Variants in SMC6 observed in about 807,000 individuals in gnomAD.
SMC6 encodes the protein structural maintenance of chromosomes 6, also known as structural maintenance of chromosomes protein 6.
A neutral mutation model predicts 142.2 loss-of-function variants in SMC6; 79 were observed. The observed-to-expected ratio is 0.56, with a 90% CI of 0.46 to 0.67. The LOEUF (loss-of-function observed/expected upper bound fraction) is 0.67. Among genes scored for constraint, SMC6 ranks in the 30% least tolerant of loss-of-function variants. SMC6 has a pLI of 0.00. For missense variants in SMC6, 1,072 were observed against 1,284.0 expected (o/e 0.83, Z 2.52); for synonymous variants, 411 against 412.4 (o/e 1.00, Z 0.04).
chr2:17,703,411 G>A (rs1355228451), intron 18 of SMC6, 119 bp from the exon 19 acceptor site: 2 of 799,722 alleles, frequency 2.5e-6, no homozygotes, highest in African/African-American at 1.8e-5. Flanking sequence ...ATCCTTTTCA[G>A]TTAAACCAGT....
chr2:17,738,466 C>T (rs1013235525), intron 4 of SMC6, 140 bp from the exon 5 acceptor site: 9 of 523,430 alleles, frequency 1.7e-5, no homozygotes, highest in African/African-American at 3.9e-5. Flanking sequence ...ATTTTCTTCC[C>T]GTGCAAAGCA....
Position 17,714,973 on chromosome 2 carries a change from C to A in SMC6, c.1618G>T (p.Ala540Ser). ...AGTGCCTGAAGGACCCTTTCATCAGCATGATTATGGCAACAATAGGCCTGC... is the reference window on the plus strand; with the variant it reads ...AGTGCCTGAAGGACCCTTTCATCAGAATGATTATGGCAACAATAGGCCTGC... ...LLQAYCCHNHADERVLQALMK... is the reference protein window; with the variant it reads ...LLQAYCCHNHSDERVLQALMK... The change falls in exon 16 of 28, where the codon GCT becomes TCT. Residue 540 changes from alanine (A) to serine (S), a missense_variant. Ala to Ser is a moderately conservative substitution (Grantham distance 99, BLOSUM62 1). This residue lies in a region of SMC6 where 994 missense variants were observed against 1,153.2 expected (regional missense o/e 0.86). Transcript: ENST00000448223. 2 of 1,613,954 alleles carry A rather than the reference C, an allele frequency of 1.2e-6. No homozygotes were observed. The highest frequency in any genetic ancestry group is 2.7e-5 in the African/African-American group (2 of 75,004).
chr2:17,748,630 A>ATAC (rs1485730458), intron 2 of SMC6, among the ~76,000 whole-genome samples: 1 of 152,232 alleles, frequency 6.6e-6, no homozygotes, highest in Admixed American at 6.5e-5. Context: ...ATTCCCTGAG[A>ATAC]TACTACCAGG....
Position 17,731,842 on chromosome 2 carries a change from C to T in SMC6, c.380G>A (p.Gly127Glu). 6.2e-7 allele frequency: 1 copy of T among 1,613,742 alleles called. No individual in the cohort carries two copies. Among genetic ancestry groups the T allele is most frequent in the Non-Finnish European group, 8.5e-7 (1 of 1,179,840 alleles). ...CACACTGGCTTTAAAGGCATCATCT[C>T]CTCTGTTCCTCAATGTTATTGAGAT... is the stretch of plus-strand genomic sequence containing the variant. ...ADISITLRNR[G>E]DDAFKASVYG... The change falls in exon 6 of 28, where the codon GGA (glycine) becomes GAA (glutamate). Residue 127 changes from glycine (G) to glutamate (E), a missense_variant. Gly to Glu is a moderately conservative substitution (Grantham distance 98, BLOSUM62 -2). Transcript: ENST00000448223.
rs533147358 is a variant in SMC6, at chr2:17,672,956, G to C, written c.2911-2381C>G. 1.1e-4 allele frequency among the ~76,000 whole-genome samples: 17 copies of C among 152,292 alleles called. 1 individual carries two copies. In the South Asian group the frequency reaches 3.5e-3, roughly 32 times the overall value. Reference sequence around the variant, plus strand: ...AATTTTTTCTTGGGTTTATGCCCAAGAATGGAGCTGCTTTAACAGACATCG... The same window carrying C: ...AATTTTTTCTTGGGTTTATGCCCAACAATGGAGCTGCTTTAACAGACATCG... On this transcript the variant is annotated intron_variant, in intron 25 of 27. Coordinates refer to ENST00000448223, the MANE Select transcript of SMC6 (RefSeq NM_001142286.2).
intron 9 of SMC6, among the ~76,000 whole-genome samples, chr2:17,723,513 T>C (rs548395897): frequency 6.6e-6 from 1 of 152,340 alleles, no homozygotes; most frequent in South Asian, 2.1e-4. Flanking sequence ...TTAACCATGC[T>C]ATCTCTTAGA....
At position 17,689,715 on chromosome 2, in the gene SMC6, T is replaced by C. The variant is rs1037912359; in HGVS notation, c.2678+5437A>G. Among the ~76,000 whole-genome samples, 6 of 152,348 alleles carry C rather than the reference T, an allele frequency of 3.9e-5. No individual in the cohort carries two copies. In the East Asian group the frequency reaches 9.6e-4, roughly 24 times the overall value. On this transcript the variant is annotated intron_variant, in intron 23 of 27. Transcript: ENST00000448223. The stretch of plus-strand genomic sequence containing the variant: ...CCATGAATCCCTTTTATAAATGTCA[T>C]AGTATTTGCATATAACCTATATACA...
At chr2:17,713,033 A>AT (rs1668905253) in intron 16 of SMC6, among the ~76,000 whole-genome samples, 1 of 152,210 alleles carries the variant, frequency 6.6e-6, no homozygotes, top group African/African-American at 2.4e-5. Context: ...CTTATCATGC[A>AT]TTTAAGCATA....
intron 12 of SMC6, among the ~76,000 whole-genome samples, 174 bp downstream of exon 12, chr2:17,717,903 T>C (rs991447923): frequency 1.3e-5 from 2 of 151,786 alleles, no homozygotes; most frequent in Admixed American, 6.6e-5. Context: ...GAGGATAGCG[T>C]GTGCCCAGGA....
intron 16 of SMC6, chr2:17,713,527 T>G (rs1668933344): frequency 2.1e-6 from 1 of 471,040 alleles, no homozygotes; most frequent in Non-Finnish European, 4.4e-6. Context: ...AGAGTCTTTG[T>G]GTCAGTTCAC....
At position 17,703,249 on chromosome 2, in the gene SMC6, T is replaced by A; in HGVS notation, c.2050A>T (p.Asn684Tyr). Residue 684 changes from asparagine (N) to tyrosine (Y), a missense_variant, in exon 19 of 28, where the codon AAT becomes TAT. Physicochemically the swap from Asn to Tyr is moderately radical, Grantham distance 143 (BLOSUM62 -2). Transcript: ENST00000448223. ...EVENKTAQIL[N>Y]LQQHLSALEK... Reference sequence around the variant, plus strand: ...AGGGCAGATAAATGTTGCTGAAGATTTAATATCTGGGCCGTCTTATTTTCA... The same window carrying A: ...AGGGCAGATAAATGTTGCTGAAGATATAATATCTGGGCCGTCTTATTTTCA... The A allele has an allele frequency of 6.2e-7, 1 of 1,607,986 alleles. No homozygotes were observed. Among genetic ancestry groups the A allele is most frequent in the Non-Finnish European group, 8.5e-7 (1 of 1,177,136 alleles).
intron 21 of SMC6, among the ~76,000 whole-genome samples, chr2:17,698,064 C>T (rs1668093470): frequency 6.6e-6 from 1 of 152,006 alleles, no homozygotes; most frequent in South Asian, 2.1e-4. Context: ...TGATTCTACT[C>T]ATATGAAATA....
In SMC6 at chr2:17,695,175, A is replaced by G. The variant is rs1667931488; in HGVS notation, c.2655T>C (p.His885=). ...RQKIQAEHAS[H]GDREEIMRQY... is the part of the protein sequence containing the mutation. ...ACCTCATTATTTCCTCTCGATCTCC[A>G]TGACTAGCATGTTCTGCCTGTATCT... is the stretch of plus-strand genomic sequence containing the variant. The change falls in exon 23 of 28, where the codon CAT becomes CAC. Residue 885 remains histidine, a synonymous_variant. Transcript: ENST00000448223. 1 of 1,613,344 alleles carries G rather than the reference A, an allele frequency of 6.2e-7. No homozygotes were observed. The highest frequency in any genetic ancestry group is 1.1e-5 in the South Asian group (1 of 90,968).
rs1667326071 is a variant in SMC6, at chr2:17,683,628, A to G, written c.2804+10T>C. ...GTATAATATATAGTAACATTTTTCA[A>G]TGTACTTACCTTCTAAATTGTTGAT... On this transcript the variant is annotated intron_variant, in intron 24 of 27. Transcript: ENST00000448223. 1 of 1,595,118 alleles carries G rather than the reference A, an allele frequency of 6.3e-7. No individual in the cohort carries two copies. Among genetic ancestry groups the G allele is most frequent in the Non-Finnish European group, 8.5e-7 (1 of 1,171,632 alleles).
rs1001721550 is a variant in SMC6, at chr2:17,716,904, T to C, written c.1183A>G (p.Thr395Ala). Residue 395 changes from threonine (T) to alanine (A), a missense_variant and splice_region_variant, in exon 14 of 28, where the codon ACT (threonine) becomes GCT (alanine). Coordinates refer to ENST00000448223, the MANE Select transcript of SMC6 (RefSeq NM_001142286.2). Reference protein sequence around the residue: ...CKRIEELKKSTDQSLEPERLE... With the variant: ...CKRIEELKKSADQSLEPERLE... The stretch of plus-strand genomic sequence containing the variant: ...CGTTCAGGTTCCAAAGATTGGTCAG[T>C]ACTAACAGTAAATAACCCAAAGTGA... 6 of 1,597,612 alleles carry C rather than the reference T, an allele frequency of 3.8e-6. No homozygotes were observed. In the African/African-American group the frequency reaches 4.1e-5, roughly 11 times the overall value.
At chr2:17,687,508 G>A (rs1667512436) in intron 23 of SMC6, among the ~76,000 whole-genome samples, 1 of 145,406 alleles carries the variant, frequency 6.9e-6, no homozygotes. Flanking sequence ...CAAGATGGTT[G>A]ACTACCTTTT....
intron 9 of SMC6, among the ~76,000 whole-genome samples, chr2:17,722,337 C>G (rs1317069348): frequency 1.3e-5 from 2 of 152,114 alleles, no homozygotes; most frequent in Non-Finnish European, 2.9e-5. Flanking sequence ...TGGATTCTAC[C>G]CCTTTTCTAT....
At chr2:17,706,040 A>T (rs187870581) in intron 18 of SMC6, among the ~76,000 whole-genome samples, 5 of 152,262 alleles carry the variant, frequency 3.3e-5, no homozygotes, top group Admixed American at 3.3e-4. Context: ...TCCAGTAGAG[A>T]AATTTTGTAT....
chr2:17,718,127 C>A lies in SMC6; in HGVS notation c.1042G>T (p.Ala348Ser), dbSNP rs762086918. ...TTAGCAACAACATCTGCTTTCAATG[C>A]CATACATTCTGGTGCTCGTGCATTT... ...ETNARAPECM[A>S]LKADVVAKKR... is the part of the protein sequence containing the mutation. The change falls in exon 12 of 28, where the codon GCA becomes TCA. Residue 348 changes from alanine (A) to serine (S), a missense_variant. Around this residue, in one of 3 missense-constraint regions of SMC6, gnomAD observed 994 missense variants for 1,153.2 expected, o/e 0.86. Coordinates refer to ENST00000448223, the MANE Select transcript of SMC6 (RefSeq NM_001142286.2). 3 of 1,611,456 alleles carry A rather than the reference C, an allele frequency of 1.9e-6. No individual in the cohort carries two copies. Among genetic ancestry groups the A allele is most frequent in the South Asian group, 2.2e-5 (2 of 90,764 alleles).
Sources: allele counts gnomAD v4.1 joint callset (sites outside exome capture counted in the v4.1 genomes callset), GRCh38; gene constraint gnomAD v4.1.1; regional missense constraint gnomAD v4.1.1; transcripts MANE v1.5; gene names NCBI Gene and HGNC (gene_info 2026-07-23, HGNC 2026-07-21).